The following PPIP5K2 variants were observed in gnomAD, a reference collection of about 807,000 sequenced individuals.
PPIP5K2 encodes inositol hexakisphosphate and diphosphoinositol-pentakisphosphate kinase 2.
PPIP5K2 carries 105 observed loss-of-function variants against 154.6 expected under a neutral mutation model. That is an observed-to-expected ratio of 0.68 (90% CI 0.58 to 0.80). The LOEUF (loss-of-function observed/expected upper bound fraction) is 0.80. PPIP5K2 is among the 30% of genes least tolerant of loss of function. The pLI is 0.00. For synonymous variants in PPIP5K2, 480 were observed against 490.3 expected (o/e 0.98, Z 0.28); for missense variants, 992 against 1,504.6 (o/e 0.66, Z 5.64).
At chr5:103,158,157 C>CAA (rs782548287) in intron 14 of PPIP5K2, 31 bp from the exon 15 acceptor site, 1 of 1,600,580 alleles carries the variant, frequency 6.2e-7, no homozygotes, top group Non-Finnish European at 8.6e-7. Flanking sequence ...ATAAACTTAA[C>CAA]ATTTGTTTTA....
At chr5:103,165,895 G>A (rs1797051601) in intron 17 of PPIP5K2, among the ~76,000 whole-genome samples, 1 of 152,088 alleles carries the variant, frequency 6.6e-6, no homozygotes, top group African/African-American at 2.4e-5. Context: ...ACACAATTCT[G>A]ACTGAAAAAT....
chr5:103,140,862 C>T (rs1554206357), intron 5 of PPIP5K2, among the ~76,000 whole-genome samples: 1 of 151,290 alleles, frequency 6.6e-6, no homozygotes, highest in Non-Finnish European at 1.5e-5. Flanking sequence ...AAAAAATTAT[C>T]CTTCAAACAT....
intron 1 of PPIP5K2, among the ~76,000 whole-genome samples, chr5:103,126,498 A>G (rs1789699169): frequency 1.3e-5 from 2 of 152,224 alleles, no homozygotes; most frequent in Non-Finnish European, 2.9e-5. Flanking sequence ...TGTATTAGTC[A>G]GGGTTCTCTA....
Position 103,153,930 on chromosome 5 carries a change from C to G in PPIP5K2, c.1213C>G (p.Gln405Glu). ...AAAAATGAAAATGGAAGTGAGACATCAGAAGTATGTTTTCAGATGAATAAT... is the reference window on the plus strand; with the variant it reads ...AAAAATGAAAATGGAAGTGAGACATGAGAAGTATGTTTTCAGATGAATAAT... ...KQKMKMEVRH[Q>E]KFFDLFEKCD... The change falls in exon 11 of 31, where the codon CAG (glutamine) becomes GAG (glutamate). Residue 405 changes from glutamine (Q) to glutamate (E), a missense_variant. Physicochemically the swap from Gln to Glu is conservative, Grantham distance 29. Coordinates refer to ENST00000358359, the MANE Select transcript of PPIP5K2 (RefSeq NM_001276277.3). The G allele has an allele frequency of 1.9e-6, 3 of 1,592,352 alleles. No individual in the cohort carries two copies. Among genetic ancestry groups the G allele is most frequent in the Non-Finnish European group, 2.6e-6 (3 of 1,165,842 alleles).
rs1179044966 is a variant in PPIP5K2, at chr5:103,127,324, A to G, written c.-284-1982A>G. 2.0e-5 allele frequency among the ~76,000 whole-genome samples: 3 copies of G among 152,168 alleles called. No individual in the cohort carries two copies. The East Asian group carries it at 5.8e-4, about 29-fold the overall frequency. On this transcript the variant is annotated intron_variant, in intron 1 of 30. Transcript: ENST00000358359. ...ATTCTGAAGTAGATAGACATTTATT[A>G]CATTATTACATGTTTCTATTATCTT... is the stretch of plus-strand genomic sequence containing the variant.
At chr5:103,159,363 TAC>T (rs552270578) in intron 17 of PPIP5K2, 35 bp downstream of exon 17, 21 of 1,501,110 alleles carry the variant, frequency 1.4e-5, no homozygotes, top group Middle Eastern at 1.8e-4. Flanking sequence ...TGTGAAATAT[TAC>T]ACACACACAG....
At chr5:103,168,687 C>T (rs528884570) in intron 19 of PPIP5K2, among the ~76,000 whole-genome samples, 3 of 151,776 alleles carry the variant, frequency 2.0e-5, no homozygotes, top group Non-Finnish European at 4.4e-5. Flanking sequence ...ACACATCACC[C>T]AGAGTCCATA....
At chr5:103,169,880 A>G (rs782031582) in intron 19 of PPIP5K2, among the ~76,000 whole-genome samples, 24 of 151,600 alleles carry the variant, frequency 1.6e-4, no homozygotes, top group Non-Finnish European at 2.2e-4. Context: ...AGACTTTAAG[A>G]TATTTATGGC....
intron 8 of PPIP5K2, among the ~76,000 whole-genome samples, chr5:103,149,622 C>G (rs1184990918): frequency 6.6e-6 from 1 of 151,840 alleles, no homozygotes; most frequent in Non-Finnish European, 1.5e-5. Context: ...GTGTTACTTT[C>G]ATAGAATTGG....
chr5:103,133,705 C>T, intron 3 of PPIP5K2, 57 bp downstream of exon 3: 4 of 1,354,684 alleles, frequency 3.0e-6, no homozygotes, highest in Non-Finnish European at 4.0e-6. Flanking sequence ...AAAACTAATA[C>T]ATATTAATTG....
rs1471658995 is a variant in PPIP5K2, at chr5:103,204,525, G to C, written c.*2891G>C. On this transcript the variant is annotated 3_prime_UTR_variant, in exon 31 of 31. Coordinates refer to ENST00000358359, the MANE Select transcript of PPIP5K2 (RefSeq NM_001276277.3). Reference sequence around the variant, plus strand: ...AGTGGCACAGTCTTAATTCACTACAGCCTTGAACTCCTGGGCTCAAGAAAT... The same window carrying C: ...AGTGGCACAGTCTTAATTCACTACACCCTTGAACTCCTGGGCTCAAGAAAT... 3 of 152,104 alleles carry C rather than the reference G, an allele frequency of 2.0e-5. No homozygotes were observed. The highest frequency in any genetic ancestry group is 4.4e-5 in the Non-Finnish European group (3 of 68,018). 9.4% of individuals were successfully genotyped at this position (152,104 alleles called of 1,614,324 possible). A position where few individuals can be genotyped will look rare whatever the true frequency, so the allele number is the denominator to read the frequency against.
intron 1 of PPIP5K2, among the ~76,000 whole-genome samples, chr5:103,125,457 G>GTTT (rs10642392): frequency 1.9e-4 from 28 of 144,166 alleles, no homozygotes; most frequent in African/African-American, 5.1e-4. Flanking sequence ...AGCCTGTTCA[G>GTTT]TTTTTTTTTT....
At chr5:103,155,874 A>G (rs368904970) in intron 13 of PPIP5K2, 35 bp from the exon 14 acceptor site, 3 of 1,344,272 alleles carry the variant, frequency 2.2e-6, no homozygotes, top group African/African-American at 1.4e-5. Context: ...GTTTTTCCCT[A>G]CATGTTCTAT....
intron 19 of PPIP5K2, among the ~76,000 whole-genome samples, chr5:103,172,582 G>GT (rs1277491002): frequency 6.6e-6 from 1 of 151,078 alleles, no homozygotes; most frequent in African/African-American, 2.4e-5. Context: ...AAATTGCCAT[G>GT]TTTTCTGGAC....
chr5:103,187,221 A>C, intron 27 of PPIP5K2, 93 bp from the exon 28 acceptor site: 81 of 854,932 alleles, frequency 9.5e-5, no homozygotes, highest in Non-Finnish European at 1.3e-4. Flanking sequence ...TCACCTTTCT[A>C]ACCTCCTCAT....
At chr5:103,181,075 T>G (rs1554222716) in intron 24 of PPIP5K2, among the ~76,000 whole-genome samples, 1 of 152,150 alleles carries the variant, frequency 6.6e-6, no homozygotes. Context: ...AACATTTAAA[T>G]AATTAATAAA....
intron 1 of PPIP5K2, among the ~76,000 whole-genome samples, chr5:103,125,298 A>ATTAAAATGACCT (rs1339429383): frequency 6.6e-6 from 1 of 152,186 alleles, no homozygotes; most frequent in Non-Finnish European, 1.5e-5. Flanking sequence ...ATATAACATC[A>ATTAAAATGACCT]TTAAAATGAC....
chr5:103,204,520 C>G lies in PPIP5K2; in HGVS notation c.*2886C>G, dbSNP rs1803387819. 1 of 152,178 alleles carries G rather than the reference C, an allele frequency of 6.6e-6. No homozygotes were observed. The highest frequency in any genetic ancestry group is 1.5e-5 in the Non-Finnish European group (1 of 68,046). 9.4% of individuals were successfully genotyped at this position (152,178 alleles called of 1,614,324 possible). A position where few individuals can be genotyped will look rare whatever the true frequency, so the allele number is the denominator to read the frequency against. On this transcript the variant is annotated 3_prime_UTR_variant, in exon 31 of 31. Transcript: ENST00000358359. ...AGTGCAGTGGCACAGTCTTAATTCACTACAGCCTTGAACTCCTGGGCTCAA... is the reference window on the plus strand; with the variant it reads ...AGTGCAGTGGCACAGTCTTAATTCAGTACAGCCTTGAACTCCTGGGCTCAA...
At chr5:103,187,483 T>G (rs1554225572) in intron 28 of PPIP5K2, 107 bp downstream of exon 28, 2 of 850,148 alleles carry the variant, frequency 2.4e-6, no homozygotes, top group Non-Finnish European at 3.6e-6. Flanking sequence ...TCTTCATCCT[T>G]AATGTCAATT....
Sources: allele counts gnomAD v4.1 joint callset (sites outside exome capture counted in the v4.1 genomes callset), GRCh38; gene constraint gnomAD v4.1.1; transcripts MANE v1.5; gene names NCBI Gene and HGNC (gene_info 2026-07-23, HGNC 2026-07-21).